Variants in TENM1 observed in about 807,000 individuals in gnomAD.
The protein encoded by TENM1 is teneurin-1.
Under a neutral mutation model 174.8 loss-of-function variants are expected in TENM1, and 35 were observed. The observed-to-expected ratio is 0.20, with a 90% confidence interval of 0.15 to 0.27. TENM1 has a LOEUF of 0.27. Among genes scored for constraint, TENM1 ranks in the 10% least tolerant of loss-of-function variants. TENM1 has a pLI of 1.00. For synonymous variants in TENM1, 781 were observed against 798.7 expected (o/e 0.98, Z 0.37); for missense variants, 1,633 against 2,130.1 (o/e 0.77, Z 4.59).
At chrX:124,478,940 A>G (rs1054027675) in intron 22 of TENM1, among the ~76,000 whole-genome samples, 1 of 112,356 alleles carries the variant, frequency 8.9e-6, no homozygotes, top group Non-Finnish European at 1.9e-5. Context: ...AACTTTTTGC[A>G]TGTTTTTTCC....
chrX:125,157,760 A>C, the TENM1 span, among the ~76,000 whole-genome samples: 1 of 112,298 alleles, frequency 8.9e-6, no homozygotes, highest in Admixed American at 9.4e-5. Flanking sequence ...GCTTAATTAG[A>C]GTACAATTCA....
chrX:124,508,736 A>G (rs957002962), intron 18 of TENM1, among the ~76,000 whole-genome samples: 1 of 111,784 alleles, frequency 8.9e-6, no homozygotes, highest in Non-Finnish European at 1.9e-5. Flanking sequence ...GCTGCATAAA[A>G]GCCAACATGG....
chrX:124,711,152 A>C (rs1367837289), intron 4 of TENM1, among the ~76,000 whole-genome samples: 1 of 111,922 alleles, frequency 8.9e-6, no homozygotes, highest in South Asian at 3.8e-4. Context: ...GTTCAAATTT[A>C]AAAAGGAAAG....
exon 29 of TENM1, chrX:124,385,696 T>G (rs754817892): frequency 8.4e-7 from 1 of 1,197,065 alleles, no homozygotes; most frequent in East Asian, 3.0e-5. Flanking sequence ...TGTATCTGAT[T>G]GTGCAGATGA....
chrX:124,654,420 T>C (rs767759448), intron 6 of TENM1, among the ~76,000 whole-genome samples: 1 of 112,589 alleles, frequency 8.9e-6, no homozygotes, highest in Non-Finnish European at 1.9e-5. Context: ...TGTAGGCAAC[T>C]GTAGGCAAAG....
At chrX:124,677,695 T>C (rs183173770) in intron 5 of TENM1, among the ~76,000 whole-genome samples, 1 of 111,443 alleles carries the variant, frequency 9.0e-6, no homozygotes, top group Admixed American at 9.6e-5. Context: ...AAATCCTTTA[T>C]AAGAATTAAA....
chrX:124,689,057 G>A (rs1031650955), intron 5 of TENM1, among the ~76,000 whole-genome samples: 5 of 111,543 alleles, frequency 4.5e-5, no homozygotes, highest in East Asian at 2.8e-4. Context: ...AATAAATATG[G>A]AAGGAAAATG....
intron 29 of TENM1, among the ~76,000 whole-genome samples, 186 bp from the exon 33 acceptor site, chrX:124,385,040 T>A (rs1322126340): frequency 2.7e-5 from 3 of 112,470 alleles, no homozygotes; most frequent in African/African-American, 9.7e-5. Flanking sequence ...GTGGTAATCC[T>A]CAAATATAAA....
intron 3 of TENM1, among the ~76,000 whole-genome samples, chrX:124,865,714 C>T (rs971643723): frequency 9.0e-6 from 1 of 111,317 alleles, no homozygotes; most frequent in African/African-American, 3.3e-5. Flanking sequence ...TCAAAAGACA[C>T]AGACTGGCTG....
exon 8 of TENM1, chrX:124,651,967 A>C: frequency 8.3e-7 from 1 of 1,210,094 alleles, no homozygotes; most frequent in Non-Finnish European, 1.1e-6. Context: ...ATCATTGTAA[A>C]ACGCCAGATA....
intron 1 of TENM1, among the ~76,000 whole-genome samples, chrX:124,899,695 C>T (rs960525710): frequency 8.9e-6 from 1 of 111,931 alleles, no homozygotes; most frequent in East Asian, 2.8e-4. Flanking sequence ...TAAGGTATTG[C>T]CCTACTGCTT....
At chrX:124,972,320 AGTCT>A in the TENM1 span, among the ~76,000 whole-genome samples, 1 of 111,865 alleles carries the variant, frequency 8.9e-6, no homozygotes, top group Admixed American at 9.5e-5. Flanking sequence ...TATCTTTCAC[AGTCT>A]GTTTGCCATT....
chrX:125,049,980 T>C, the TENM1 span, among the ~76,000 whole-genome samples: 3 of 109,619 alleles, frequency 2.7e-5, no homozygotes, highest in Middle Eastern at 4.3e-3. Context: ...TCTACCTCTT[T>C]ACCTTCTTTA....
At chrX:124,826,408 CAAAA>C (rs761123183) in intron 3 of TENM1, among the ~76,000 whole-genome samples, 11 of 73,665 alleles carry the variant, frequency 1.5e-4, no homozygotes, top group Admixed American at 6.5e-4. Context: ...GACCCTGTCT[CAAAA>C]AAAAAAAAAA....
chrX:124,977,441 T>C, the TENM1 span, among the ~76,000 whole-genome samples: 1 of 111,638 alleles, frequency 9.0e-6, no homozygotes, highest in African/African-American at 3.2e-5. Context: ...ATGTTTACTG[T>C]TTGTTTTTCT....
At chrX:124,430,813 ATC>A (rs1442021431) in intron 23 of TENM1, among the ~76,000 whole-genome samples, 1 of 112,168 alleles carries the variant, frequency 8.9e-6, no homozygotes, top group Non-Finnish European at 1.9e-5. Context: ...TCTCATATAT[ATC>A]TGTCAGCCAA....
chrX:124,516,807 G>A (rs1646880981), intron 18 of TENM1, among the ~76,000 whole-genome samples: 1 of 111,091 alleles, frequency 9.0e-6, no homozygotes, highest in Non-Finnish European at 1.9e-5. Context: ...CCATTCTTTG[G>A]GTAGGAATAT....
chrX:124,406,433 C>G, exon 26 of TENM1: 1 of 1,209,008 alleles, frequency 8.3e-7, no homozygotes, highest in Non-Finnish European at 1.1e-6. Context: ...ACTGTGGAAG[C>G]TGCTGACCTC....
chrX:125,036,775 A>C, the TENM1 span, among the ~76,000 whole-genome samples: 1 of 111,618 alleles, frequency 9.0e-6, no homozygotes, highest in East Asian at 2.8e-4. Flanking sequence ...AAAATGACTT[A>C]ATTTGAATAC....
Sources: allele counts gnomAD v4.1 joint callset (sites outside exome capture counted in the v4.1 genomes callset), GRCh38; gene constraint gnomAD v4.1.1; transcripts MANE v1.5; gene names NCBI Gene and HGNC (gene_info 2026-07-23, HGNC 2026-07-21).